IKZF2: variants seen among roughly 807,000 people sequenced by gnomAD.
The protein encoded by IKZF2 is zinc finger protein Helios.
A neutral mutation model predicts 49.2 loss-of-function variants in IKZF2; 15 were observed. The ratio of observed to expected loss-of-function variants is 0.30; its 90% confidence interval spans 0.20 to 0.47. IKZF2 has a LOEUF of 0.47. Ranked by LOEUF, IKZF2 falls within the 20% of genes least tolerant of loss-of-function variation. The pLI, the probability that IKZF2 is intolerant of heterozygous loss-of-function variation, is 1.00. For missense variants in IKZF2, 567 were observed against 664.6 expected, an observed-to-expected ratio of 0.85 and a Z score of 1.61; for synonymous variants, 227 against 221.4, an observed-to-expected ratio of 1.03 and a Z score of -0.23.
chr2:213,110,587 A>T (rs2059673896), intron 4 of IKZF2, among the ~76,000 whole-genome samples: 1 of 151,974 alleles, frequency 6.6e-6, no homozygotes, highest in Admixed American at 6.6e-5. Context: ...TGTTTGCACA[A>T]TGTTTCCCAT....
chr2:213,012,828 T>C (rs928206527), intron 8 of IKZF2, among the ~76,000 whole-genome samples: 2 of 152,074 alleles, frequency 1.3e-5, no homozygotes, highest in Non-Finnish European at 2.9e-5. Flanking sequence ...TTAATCAGGA[T>C]GTCCCACAAT....
chr2:213,045,242 A>C (rs940779303), intron 6 of IKZF2, among the ~76,000 whole-genome samples: 3 of 152,228 alleles, frequency 2.0e-5, no homozygotes, highest in African/African-American at 7.2e-5. Flanking sequence ...TTATTAGGCT[A>C]AGGCATGGCA....
intron 4 of IKZF2, among the ~76,000 whole-genome samples, chr2:213,134,162 C>T (rs184086550): frequency 6.6e-6 from 1 of 152,184 alleles, no homozygotes; most frequent in Non-Finnish European, 1.5e-5. Context: ...GTGTCTTAGA[C>T]ACTTCGAGAG....
At chr2:213,112,525 A>G (rs1244410661) in intron 4 of IKZF2, among the ~76,000 whole-genome samples, 1 of 150,222 alleles carries the variant, frequency 6.7e-6, no homozygotes, top group Non-Finnish European at 1.5e-5. Flanking sequence ...GTGCAGTGGC[A>G]CGATCACAGC....
intron 6 of IKZF2, among the ~76,000 whole-genome samples, chr2:213,029,172 A>G (rs1698140650): frequency 6.6e-6 from 1 of 152,034 alleles, no homozygotes; most frequent in African/African-American, 2.4e-5. Context: ...AATGCTGAAT[A>G]TAATAATTTG....
At chr2:213,086,408 ATATGATG>A (rs1473593270) in intron 4 of IKZF2, among the ~76,000 whole-genome samples, 1 of 152,208 alleles carries the variant, frequency 6.6e-6, no homozygotes, top group African/African-American at 2.4e-5. Context: ...ATAATATATG[ATATGATG>A]TATGATTTAC....
At chr2:213,040,185 TA>T (rs1175695134) in intron 6 of IKZF2, among the ~76,000 whole-genome samples, 3 of 151,908 alleles carry the variant, frequency 2.0e-5, no homozygotes, top group Admixed American at 1.3e-4. Context: ...TTTTAACTTT[TA>T]TTTTAAGTTC....
In IKZF2 at chr2:213,007,160, C is replaced by T. The variant is rs1305685160; in HGVS notation, c.*200G>A. The T allele has an allele frequency of 5.6e-6, 3 of 535,264 alleles. No homozygotes were observed. The highest frequency in any genetic ancestry group is 9.4e-6 in the Non-Finnish European group (3 of 317,952). 33.2% of individuals were successfully genotyped at this position (535,264 alleles called of 1,614,324 possible). A position where few individuals can be genotyped will look rare whatever the true frequency, so the allele number is the denominator to read the frequency against. On this transcript the variant is annotated 3_prime_UTR_variant, in exon 9 of 9. Transcript: ENST00000434687. ...GTGATAAAGAAACAATATTCCCGCC[C>T]CTTCTCTCTTCTGTTTCTTCCTTAT...
chr2:213,102,342 A>C (rs949850877), intron 4 of IKZF2, among the ~76,000 whole-genome samples: 1 of 152,128 alleles, frequency 6.6e-6, no homozygotes, highest in African/African-American at 2.4e-5. Flanking sequence ...AAATAGAAAA[A>C]GAAAGTGGAA....
intron 4 of IKZF2, among the ~76,000 whole-genome samples, chr2:213,114,259 G>A (rs758837955): frequency 7.2e-5 from 11 of 151,976 alleles, no homozygotes; most frequent in Non-Finnish European, 1.3e-4. Context: ...AAGGTGCAAC[G>A]GGTTTTTTTT....
intron 4 of IKZF2, among the ~76,000 whole-genome samples, chr2:213,143,936 C>T (rs1040840983): frequency 1.3e-5 from 2 of 151,868 alleles, no homozygotes; most frequent in African/African-American, 4.8e-5. Flanking sequence ...TCTAACTAAC[C>T]CACAAGGTAA....
chr2:213,110,685 G>A (rs1460245413), intron 4 of IKZF2, among the ~76,000 whole-genome samples: 2 of 151,860 alleles, frequency 1.3e-5, no homozygotes, highest in Non-Finnish European at 2.9e-5. Context: ...GTAGAAACAG[G>A]AGTACTGAGT....
intron 4 of IKZF2, among the ~76,000 whole-genome samples, chr2:213,131,944 T>G (rs2060486506): frequency 6.6e-6 from 1 of 152,154 alleles, no homozygotes; most frequent in South Asian, 2.1e-4. Context: ...TCTTCTTAAT[T>G]GAGAGACTAC....
rs947811091 is a variant in IKZF2 at position 213,005,281 on chromosome 2, T to G, written c.*2079A>C. On this transcript the variant is annotated 3_prime_UTR_variant, in exon 9 of 9. Transcript: ENST00000434687. ...ACCAAGGCATGCAGAAAAAAAAAAATGAAATGGTTGACATTCTATATATCT... is the reference window on the plus strand; with the variant it reads ...ACCAAGGCATGCAGAAAAAAAAAAAGGAAATGGTTGACATTCTATATATCT... 2 of 145,616 alleles carry G rather than the reference T, an allele frequency of 1.4e-5. No homozygotes were observed. The highest frequency in any genetic ancestry group is 5.1e-5 in the African/African-American group (2 of 38,928). The allele number at this position is 145,616 out of a possible 1,614,324, so 9.0% of individuals were successfully genotyped here. A position where few individuals can be genotyped will look rare whatever the true frequency, so the allele number is the denominator to read the frequency against.
intron 4 of IKZF2, among the ~76,000 whole-genome samples, chr2:213,119,082 T>G (rs1009142320): frequency 6.6e-6 from 1 of 152,138 alleles, no homozygotes; most frequent in African/African-American, 2.4e-5. Context: ...ACAGACAGGT[T>G]TTGGTTTGAA....
intron 4 of IKZF2, among the ~76,000 whole-genome samples, chr2:213,063,452 T>C (rs1326719042): frequency 6.6e-6 from 1 of 151,886 alleles, no homozygotes. Flanking sequence ...ACTCAGCCAC[T>C]AGTACCATCT....
At chr2:213,151,770 C>T (rs1321919814), upstream of IKZF2, among the ~76,000 whole-genome samples, 2 of 146,484 alleles carry the variant, frequency 1.4e-5, no homozygotes, top group Non-Finnish European at 1.5e-5. Flanking sequence ...CAGCGGAGCC[C>T]CGGGCGCGGG....
intron 4 of IKZF2, among the ~76,000 whole-genome samples, chr2:213,134,742 G>A (rs1356863084): frequency 6.6e-6 from 1 of 152,048 alleles, no homozygotes; most frequent in Non-Finnish European, 1.5e-5. Flanking sequence ...TAATCTTATT[G>A]CCACATTCCT....
At chr2:213,080,198 A>ATAGATAGATAGATAGGTAGATAGG (rs142164690) in intron 4 of IKZF2, among the ~76,000 whole-genome samples, 1 of 151,732 alleles carries the variant, frequency 6.6e-6, no homozygotes, top group South Asian at 2.1e-4. Context: ...AGATAGATAG[A>ATAGATAGATAGATAGGTAGATAGG]TAGATAGATA....
Sources: gnomAD v4.1 joint callset for allele counts (sites outside exome capture counted in the v4.1 genomes callset) on GRCh38, gnomAD v4.1.1 for gene constraint, MANE v1.5 for transcripts, NCBI Gene and HGNC (gene_info 2026-07-23, HGNC 2026-07-21) for gene names.